KIAA1958: variants seen among roughly 807,000 people sequenced by gnomAD.
KIAA1958 encodes the protein uncharacterized protein KIAA1958.
A neutral mutation model predicts 47.2 loss-of-function variants in KIAA1958; 14 were observed. The ratio of observed to expected loss-of-function variants is 0.30; its 90% CI spans 0.20 to 0.46. KIAA1958 has a LOEUF of 0.46. KIAA1958 is among the 20% of genes least tolerant of loss of function. The pLI, the probability that KIAA1958 is intolerant of heterozygous loss-of-function variation, is 1.00. For missense variants in KIAA1958, 803 were observed against 909.2 expected (o/e 0.88, Z 1.50); for synonymous variants, 354 against 353.3 (o/e 1.00, Z -0.02).
chr9:112,503,878 G>A (rs1041709999), intron 1 of KIAA1958, among the ~76,000 whole-genome samples: 2 of 151,468 alleles, frequency 1.3e-5, no homozygotes, highest in Admixed American at 6.6e-5. Flanking sequence ...AAGATTGGAA[G>A]GAAATACCCT....
At chr9:112,556,522 A>T (rs1469014275) in intron 1 of KIAA1958, among the ~76,000 whole-genome samples, 3 of 152,188 alleles carry the variant, frequency 2.0e-5, no homozygotes, top group African/African-American at 7.2e-5. Flanking sequence ...TTTTGTAGAG[A>T]TAGGGTCTTA....
chr9:112,604,326 C>G (rs1802571685), intron 2 of KIAA1958, among the ~76,000 whole-genome samples: 1 of 152,192 alleles, frequency 6.6e-6, no homozygotes, highest in African/African-American at 2.4e-5. Flanking sequence ...CCTGAGACCC[C>G]TCTCCAGGTC....
rs1835621113 is a variant in KIAA1958 at position 112,575,116 on chromosome 9, C to T, written c.1036C>T (p.Leu346=). Residue 346 remains leucine, a synonymous_variant, in exon 2 of 4, where the codon CTG becomes TTG. Transcript: ENST00000337530. ...TGCCTCTGAAGAGTTCCTGTCCCAT[C>T]TGCCCAGCCAGGTCTCCTCCTGTGA... ...QVASEEFLSH[L]PSQVSSCEVA... 1 of 1,608,004 alleles carries T rather than the reference C, an allele frequency of 6.2e-7. No individual in the cohort carries two copies. Among genetic ancestry groups the T allele is most frequent in the South Asian group, 1.1e-5 (1 of 91,072 alleles).
intron 1 of KIAA1958, among the ~76,000 whole-genome samples, chr9:112,567,321 A>T (rs1029393470): frequency 2.0e-5 from 3 of 152,206 alleles, no homozygotes; most frequent in Non-Finnish European, 4.4e-5. Flanking sequence ...AGGATCCCTG[A>T]AGCAGGCAGT....
At chr9:112,637,006 A>C (rs2131235428) in intron 2 of KIAA1958, among the ~76,000 whole-genome samples, 1 of 152,278 alleles carries the variant, frequency 6.6e-6, no homozygotes, top group East Asian at 1.9e-4. Flanking sequence ...TTATTCTTAT[A>C]GTGTTACCAT....
chr9:112,629,961 A>G (rs1836680498), intron 2 of KIAA1958, among the ~76,000 whole-genome samples: 1 of 152,140 alleles, frequency 6.6e-6, no homozygotes, highest in Non-Finnish European at 1.5e-5. Flanking sequence ...TGTAGCTACA[A>G]CAAACAAGTT....
At chr9:112,513,625 C>T (rs994394877) in intron 1 of KIAA1958, among the ~76,000 whole-genome samples, 1 of 130,242 alleles carries the variant, frequency 7.7e-6, no homozygotes, top group African/African-American at 2.9e-5. Context: ...CGCCGCCGCC[C>T]GACCGCCGGG....
intron 1 of KIAA1958, among the ~76,000 whole-genome samples, chr9:112,508,483 A>T (rs189187735): frequency 1.4e-4 from 21 of 152,374 alleles, no homozygotes; most frequent in African/African-American, 4.6e-4. Context: ...GCTACATACG[A>T]TGATGGCACA....
chr9:112,529,103 G>A (rs1308426348), intron 1 of KIAA1958, among the ~76,000 whole-genome samples: 1 of 152,178 alleles, frequency 6.6e-6, no homozygotes, highest in African/African-American at 2.4e-5. Flanking sequence ...TAACAATGGA[G>A]TGTAAGGGAG....
intron 2 of KIAA1958, among the ~76,000 whole-genome samples, chr9:112,612,651 A>G (rs1283632550): frequency 2.0e-5 from 3 of 152,322 alleles, no homozygotes; most frequent in Non-Finnish European, 2.9e-5. Context: ...GTTTGATAAT[A>G]TATCTGGGAA....
At chr9:112,537,928 A>C (rs1355576845) in intron 1 of KIAA1958, among the ~76,000 whole-genome samples, 2 of 152,222 alleles carry the variant, frequency 1.3e-5, no homozygotes, top group Non-Finnish European at 2.9e-5. Context: ...CCCAACACAA[A>C]TAGAGGGAAG....
At chr9:112,549,648 A>G (rs140752731) in intron 1 of KIAA1958, among the ~76,000 whole-genome samples, 137 of 152,340 alleles carry the variant, frequency 9.0e-4, no homozygotes, top group African/African-American at 3.2e-3. Flanking sequence ...AAATAGGGTA[A>G]CATAGGGCTC....
In KIAA1958 at chr9:112,659,748, C is replaced by A; in HGVS notation, c.1830C>A (p.Thr610=). The change falls in exon 4 of 4, where the codon ACC becomes ACA. Residue 610 remains threonine, a synonymous_variant. Coordinates refer to ENST00000337530, the MANE Select transcript of KIAA1958 (RefSeq NM_133465.4). ...AGCGGGAGAGTCGGAGCGGCTCCAC[C>A]AGAGTGTGTCACGGGAAGATCTACC... ...SVKRESRSGS[T]RVCHGKIYHE... 1 of 1,614,194 alleles carries A rather than the reference C, an allele frequency of 6.2e-7. No individual in the cohort carries two copies. Among genetic ancestry groups the A allele is most frequent in the Middle Eastern group, 1.6e-4 (1 of 6,062 alleles).
At chr9:112,605,046 A>T (rs1273392779) in intron 2 of KIAA1958, among the ~76,000 whole-genome samples, 1 of 147,070 alleles carries the variant, frequency 6.8e-6, no homozygotes, top group African/African-American at 2.5e-5. Flanking sequence ...ATGTATTTTT[A>T]TATATTTATA....
At chr9:112,505,063 T>C (rs1398180491) in intron 1 of KIAA1958, among the ~76,000 whole-genome samples, 1 of 152,194 alleles carries the variant, frequency 6.6e-6, no homozygotes, top group Non-Finnish European at 1.5e-5. Flanking sequence ...ACTTTCCCAG[T>C]CTCTGTTATC....
At chr9:112,620,599 G>A (rs1836487375) in intron 2 of KIAA1958, among the ~76,000 whole-genome samples, 1 of 152,150 alleles carries the variant, frequency 6.6e-6, no homozygotes, top group Non-Finnish European at 1.5e-5. Flanking sequence ...TTAACCTCAT[G>A]TTCATGACTT....
intron 1 of KIAA1958, among the ~76,000 whole-genome samples, chr9:112,564,782 A>G (rs923157730): frequency 4.6e-5 from 7 of 152,246 alleles, no homozygotes; most frequent in African/African-American, 1.7e-4. Context: ...ATTAATTTAT[A>G]GGGAACCAGA....
intron 1 of KIAA1958, among the ~76,000 whole-genome samples, chr9:112,506,171 T>TA (rs1834231944): frequency 6.6e-6 from 1 of 152,124 alleles, no homozygotes; most frequent in Non-Finnish European, 1.5e-5. Flanking sequence ...AAACAAATGT[T>TA]AGAGGCCAGG....
At chr9:112,542,931 G>C (rs1379794577) in intron 1 of KIAA1958, among the ~76,000 whole-genome samples, 2 of 152,216 alleles carry the variant, frequency 1.3e-5, no homozygotes, top group African/African-American at 4.8e-5. Context: ...GGGCTGAAGA[G>C]TTTAGTGTAG....
Sources: allele counts gnomAD v4.1 joint callset (sites outside exome capture counted in the v4.1 genomes callset), GRCh38; gene constraint gnomAD v4.1.1; transcripts MANE v1.5; gene names NCBI Gene and HGNC (gene_info 2026-07-23, HGNC 2026-07-21).